Variants in HHAT observed in about 807,000 individuals in gnomAD.
HHAT encodes protein-cysteine N-palmitoyltransferase HHAT.
In HHAT, 47 loss-of-function variants were observed where a neutral mutation model predicts 70.8. That is an observed-to-expected ratio of 0.66 (90% CI 0.53 to 0.85). HHAT has a LOEUF of 0.85. Ranked by LOEUF, HHAT falls within the 40% of genes least tolerant of loss-of-function variation. The pLI, the probability that HHAT is intolerant of heterozygous loss-of-function variation, is 0.00. For synonymous variants in HHAT, 228 were observed against 247.6 expected, an observed-to-expected ratio of 0.92 and a Z score of 0.74; for missense variants, 609 against 604.8, an observed-to-expected ratio of 1.01 and a Z score of -0.07.
At chr1:210,414,655 C>T (rs1180453847) in intron 6 of HHAT, among the ~76,000 whole-genome samples, 6 of 152,134 alleles carry the variant, frequency 3.9e-5, no homozygotes, top group Non-Finnish European at 8.8e-5. Context: ...GTACATTTGC[C>T]TCTCTAACAG....
chr1:210,569,145 G>T (rs563727082), intron 9 of HHAT, among the ~76,000 whole-genome samples: 1 of 151,868 alleles, frequency 6.6e-6, no homozygotes, highest in South Asian at 2.1e-4. Context: ...AGGCCGAAGC[G>T]GGCAGATCAC....
chr1:210,567,292 A>C (rs1205562222), intron 9 of HHAT, among the ~76,000 whole-genome samples: 1 of 152,198 alleles, frequency 6.6e-6, no homozygotes, highest in African/African-American at 2.4e-5. Context: ...AATTTTCACC[A>C]GTGGATGAAA....
rs149603499 is a variant in HHAT at position 210,634,848 on chromosome 1, T to C, written c.1390+11178T>C. 4.6e-3 allele frequency among the ~76,000 whole-genome samples: 703 copies of C among 152,294 alleles called. 9 individuals are homozygous for C. Among genetic ancestry groups the C allele is most frequent in the African/African-American group, 0.014 (579 of 41,566 alleles). ...AGGGCTTTACTAAGAAAAGCAAAAG[T>C]ACATGGCAAGGAAATAAGCAATGTG... is the stretch of plus-strand genomic sequence containing the variant. On this transcript the variant is annotated intron_variant, in intron 11 of 11. Coordinates refer to ENST00000261458, the MANE Select transcript of HHAT (RefSeq NM_018194.6).
chr1:210,569,553 G>T (rs1655717873), intron 9 of HHAT, among the ~76,000 whole-genome samples: 1 of 151,790 alleles, frequency 6.6e-6, no homozygotes, highest in Non-Finnish European at 1.5e-5. Context: ...TCAACTTTTA[G>T]GATTTTTTTC....
intron 11 of HHAT, among the ~76,000 whole-genome samples, chr1:210,662,818 G>A (rs1028623619): frequency 3.9e-5 from 6 of 152,180 alleles, no homozygotes; most frequent in East Asian, 1.9e-4. Context: ...AGCTTGCATC[G>A]GGAGTTAGGG....
intron 4 of HHAT, among the ~76,000 whole-genome samples, chr1:210,393,982 A>G (rs2091618640): frequency 6.6e-6 from 1 of 152,142 alleles, no homozygotes; most frequent in African/African-American, 2.4e-5. Context: ...TGTTTTTGGT[A>G]CTTACTCAGA....
At chr1:210,447,043 C>A (rs1466512830) in intron 7 of HHAT, among the ~76,000 whole-genome samples, 2 of 151,998 alleles carry the variant, frequency 1.3e-5, no homozygotes, top group Non-Finnish European at 2.9e-5. Context: ...TCAGGCTAAA[C>A]CCCTTTATAG....
intron 9 of HHAT, among the ~76,000 whole-genome samples, chr1:210,542,455 T>G (rs80230984): frequency 2.6e-3 from 396 of 151,834 alleles, no homozygotes; most frequent in Admixed American, 4.6e-3. Context: ...TAAGTAAAAT[T>G]TGGACAGTTT....
At chr1:210,385,252 CTT>C (rs55887436) in intron 3 of HHAT, among the ~76,000 whole-genome samples, 59 of 138,916 alleles carry the variant, frequency 4.2e-4, no homozygotes, top group African/African-American at 1.5e-3. Flanking sequence ...ATATGTTTTT[CTT>C]TTTTTTTTTT....
At chr1:210,470,267 C>T (rs567830491) in intron 8 of HHAT, among the ~76,000 whole-genome samples, 19 of 152,290 alleles carry the variant, frequency 1.2e-4, no homozygotes, top group East Asian at 1.9e-4. Context: ...TCAAATTAGA[C>T]GCATGGGAGT....
chr1:210,418,374 G>A (rs757762655), intron 7 of HHAT, 49 bp downstream of exon 7: 9 of 1,511,106 alleles, frequency 6.0e-6, no homozygotes, highest in Middle Eastern at 1.8e-4. Flanking sequence ...TAGTCCAACA[G>A]TTAGCATCAG....
intron 8 of HHAT, among the ~76,000 whole-genome samples, chr1:210,475,105 C>A (rs911439321): frequency 2.0e-5 from 3 of 152,034 alleles, no homozygotes; most frequent in Non-Finnish European, 4.4e-5. Flanking sequence ...AAGCGATCCA[C>A]CTGCCTTAGC....
Position 210,368,086 on chromosome 1 carries a change from C to T in HHAT, c.159+5167C>T, listed in dbSNP as rs1035706555. ...GGGAAATATTTCAGTGCCCACATTG[C>T]GTGCTCGATGAAGTAAACATGTTTC... On this transcript the variant is annotated intron_variant, in intron 3 of 11. Transcript: ENST00000261458. 3.3e-5 allele frequency among the ~76,000 whole-genome samples: 5 copies of T among 152,014 alleles called. No individual in the cohort carries two copies. The South Asian group carries it at 6.2e-4, about 19-fold the overall frequency.
rs146455114 is a variant in HHAT, at chr1:210,586,292, T to C, written c.1044-1606T>C. On this transcript the variant is annotated intron_variant, in intron 9 of 11. Transcript: ENST00000261458. ...CATCTCTACAAAAAAAGTTTTAAAT[T>C]AGCTGGGTGTGGTGGTGCATGCCTG... Among the ~76,000 whole-genome samples, 290 of 152,050 alleles carry C rather than the reference T, an allele frequency of 1.9e-3. 3 individuals carry two copies. The highest frequency in any genetic ancestry group is 6.5e-3 in the African/African-American group (271 of 41,480).
intron 7 of HHAT, among the ~76,000 whole-genome samples, chr1:210,443,206 C>G (rs1220923625): frequency 6.6e-6 from 1 of 150,664 alleles, no homozygotes; most frequent in Non-Finnish European, 1.5e-5. Flanking sequence ...TGATCTATAT[C>G]TCTGTTTTGG....
At chr1:210,636,890 TTC>T (rs932393149) in intron 11 of HHAT, among the ~76,000 whole-genome samples, 37 of 152,276 alleles carry the variant, frequency 2.4e-4, no homozygotes, top group African/African-American at 8.7e-4. Flanking sequence ...ATCCCCTGAT[TTC>T]TGAGGGCTGT....
chr1:210,480,568 A>G (rs1477580076), intron 8 of HHAT, among the ~76,000 whole-genome samples: 2 of 152,184 alleles, frequency 1.3e-5, no homozygotes, highest in Non-Finnish European at 1.5e-5. Context: ...CTAAGGATTA[A>G]TGCAAATATG....
At chr1:210,437,406 G>A (rs1178941262) in intron 7 of HHAT, among the ~76,000 whole-genome samples, 1 of 151,846 alleles carries the variant, frequency 6.6e-6, no homozygotes, top group African/African-American at 2.4e-5. Context: ...GATTCACATC[G>A]AGAATAAGGG....
At chr1:210,350,691 G>A (rs1411793203) in intron 2 of HHAT, among the ~76,000 whole-genome samples, 2 of 152,132 alleles carry the variant, frequency 1.3e-5, no homozygotes, top group African/African-American at 4.8e-5. Context: ...GGTAATCATG[G>A]CGTCTGCGAA....
Sources: gnomAD v4.1 joint callset for allele counts (sites outside exome capture counted in the v4.1 genomes callset) on GRCh38, gnomAD v4.1.1 for gene constraint, MANE v1.5 for transcripts, NCBI Gene and HGNC (gene_info 2026-07-23, HGNC 2026-07-21) for gene names.